The following ZFPM2 variants were observed in gnomAD, a reference collection of about 807,000 sequenced individuals.
The protein encoded by ZFPM2 is zinc finger protein, FOG family member 2.
ZFPM2 carries 20 observed loss-of-function variants against 98.6 expected under a neutral mutation model. The observed-to-expected ratio is 0.20, with a 90% CI of 0.14 to 0.29. The LOEUF is 0.29. Ranked by LOEUF, ZFPM2 falls within the 10% of genes least tolerant of loss-of-function variation. The pLI, the probability that ZFPM2 is intolerant of heterozygous loss-of-function variation, is 1.00. For synonymous variants in ZFPM2, 518 were observed against 502.7 expected (o/e 1.03, Z -0.41); for missense variants, 1,310 against 1,388.6 (o/e 0.94, Z 0.90).
At chr8:105,320,296 G>GTGTGTC (rs1554594127) in intron 1 of ZFPM2, among the ~76,000 whole-genome samples, 4 of 151,118 alleles carry the variant, frequency 2.6e-5, no homozygotes, top group South Asian at 2.1e-4. Context: ...GTGTGTGTGT[G>GTGTGTC]TGTCTGCTAC....
chr8:105,627,400 C>T (rs1816679075), intron 4 of ZFPM2, among the ~76,000 whole-genome samples: 1 of 151,962 alleles, frequency 6.6e-6, no homozygotes, highest in Admixed American at 6.6e-5. Flanking sequence ...TGTGGAGCTT[C>T]AAAAGTGCAC....
intron 3 of ZFPM2, among the ~76,000 whole-genome samples, chr8:105,508,339 G>A (rs538410865): frequency 4.4e-4 from 67 of 152,176 alleles, no homozygotes; most frequent in African/African-American, 1.5e-3. Context: ...TAAGAGAAGA[G>A]GCTCATCTGC....
intron 1 of ZFPM2, among the ~76,000 whole-genome samples, chr8:105,355,152 T>C (rs1351304254): frequency 6.6e-6 from 1 of 152,220 alleles, no homozygotes; most frequent in Non-Finnish European, 1.5e-5. Flanking sequence ...AAAAATTCTT[T>C]CTCTGTATTA....
rs370531328 is a variant in ZFPM2 at position 105,365,615 on chromosome 8, G to C, written c.40+46634G>C. 6.9e-4 allele frequency among the ~76,000 whole-genome samples: 105 copies of C among 152,256 alleles called. 3 individuals are homozygous for C. The South Asian group carries it at 0.02, about 29-fold the overall frequency. On this transcript the variant is annotated intron_variant, in intron 1 of 7. Transcript: ENST00000407775. ...AACAAGCAGCAGTTAGTTAGCATCA[G>C]TGGTTTTTGTTTGCTTGTTCATTTA...
chr8:105,425,408 T>C (rs910555337), intron 2 of ZFPM2, among the ~76,000 whole-genome samples: 1 of 152,216 alleles, frequency 6.6e-6, no homozygotes, highest in African/African-American at 2.4e-5. Context: ...AGACTCCATC[T>C]GTAGCTCATT....
intron 3 of ZFPM2, among the ~76,000 whole-genome samples, chr8:105,548,927 G>A (rs543089229): frequency 2.0e-5 from 3 of 152,140 alleles, no homozygotes; most frequent in African/African-American, 7.2e-5. Context: ...TTTTGAATGA[G>A]TAAATATGTA....
At chr8:105,493,830 AT>A (rs1220033025) in intron 3 of ZFPM2, among the ~76,000 whole-genome samples, 1 of 151,570 alleles carries the variant, frequency 6.6e-6, no homozygotes, top group Non-Finnish European at 1.5e-5. Flanking sequence ...GTATCCTCCT[AT>A]TTTTTCCTCT....
chr8:105,587,602 G>A (rs971090661), intron 4 of ZFPM2, among the ~76,000 whole-genome samples: 2 of 151,928 alleles, frequency 1.3e-5, no homozygotes, highest in African/African-American at 4.8e-5. Flanking sequence ...AGAAATTGCT[G>A]GTAGGTCTCT....
In ZFPM2 at chr8:105,612,744, C is replaced by G. The variant is rs1754567362; in HGVS notation, c.421-21502C>G. ...TGAACTTTTCTGTCTCCCTTGCTCT[C>G]TCTTTCTACAGGGTCACTACATATT... On this transcript the variant is annotated intron_variant, in intron 4 of 7. Transcript: ENST00000407775. 1.3e-5 allele frequency among the ~76,000 whole-genome samples: 2 copies of G among 152,200 alleles called. 1 individual carries two copies. Among genetic ancestry groups the G allele is most frequent in the South Asian group, 4.1e-4 (2 of 4,832 alleles).
At chr8:105,783,841 A>G (rs1586262162) in intron 5 of ZFPM2, among the ~76,000 whole-genome samples, 1 of 152,112 alleles carries the variant, frequency 6.6e-6, no homozygotes, top group Non-Finnish European at 1.5e-5. Flanking sequence ...CCATGCCACT[A>G]TGAGCCTGGC....
chr8:105,327,764 C>CA (rs1417767077), intron 1 of ZFPM2, among the ~76,000 whole-genome samples: 4 of 151,738 alleles, frequency 2.6e-5, no homozygotes, highest in African/African-American at 9.7e-5. Context: ...AATTCACTGA[C>CA]AAAATCTGTC....
At chr8:105,497,456 G>T (rs1813496769) in intron 3 of ZFPM2, among the ~76,000 whole-genome samples, 1 of 152,026 alleles carries the variant, frequency 6.6e-6, no homozygotes, top group African/African-American at 2.4e-5. Flanking sequence ...GCATTTTTTG[G>T]AATAAAAATA....
At chr8:105,426,297 AC>A (rs1412144942) in intron 2 of ZFPM2, among the ~76,000 whole-genome samples, 5 of 152,134 alleles carry the variant, frequency 3.3e-5, no homozygotes, top group Non-Finnish European at 5.9e-5. Flanking sequence ...AGCCAATATG[AC>A]TTTGTTTTTT....
intron 5 of ZFPM2, among the ~76,000 whole-genome samples, chr8:105,784,652 T>C (rs931389870): frequency 4.8e-5 from 7 of 145,918 alleles, no homozygotes; most frequent in African/African-American, 2.0e-4. Context: ...ATCCTCATAA[T>C]AACATCATGA....
intron 1 of ZFPM2, among the ~76,000 whole-genome samples, chr8:105,324,410 A>G (rs1240682850): frequency 1.3e-5 from 2 of 151,740 alleles, no homozygotes; most frequent in African/African-American, 2.4e-5. Flanking sequence ...TTTCTCATCC[A>G]TGTTATTTCT....
chr8:105,378,173 G>A (rs1172457241), intron 1 of ZFPM2, among the ~76,000 whole-genome samples: 1 of 152,180 alleles, frequency 6.6e-6, no homozygotes, highest in Non-Finnish European at 1.5e-5. Flanking sequence ...TTTAGAGTTG[G>A]AAGGTGAGCT....
chr8:105,720,263 A>T (rs1374378426), intron 5 of ZFPM2, among the ~76,000 whole-genome samples: 1 of 151,726 alleles, frequency 6.6e-6, no homozygotes, highest in East Asian at 1.9e-4. Flanking sequence ...CCTCCCACCC[A>T]CCTGATCCTG....
At chr8:105,400,555 TATTAA>T (rs1467998368) in intron 1 of ZFPM2, among the ~76,000 whole-genome samples, 1 of 152,226 alleles carries the variant, frequency 6.6e-6, no homozygotes, top group Non-Finnish European at 1.5e-5. Flanking sequence ...CTTTATTGTT[TATTAA>T]ATTCTTACAA....
At chr8:105,319,853 G>T (rs932637009) in intron 1 of ZFPM2, 1 of 152,216 alleles carries the variant, frequency 6.6e-6, no homozygotes, top group Admixed American at 6.5e-5. Flanking sequence ...CGGGTCAAGA[G>T]ACACCTTCCG....
Sources: allele counts gnomAD v4.1 joint callset (sites outside exome capture counted in the v4.1 genomes callset), GRCh38; gene constraint gnomAD v4.1.1; transcripts MANE v1.5; gene names NCBI Gene and HGNC (gene_info 2026-07-23, HGNC 2026-07-21).